The following ARRB1 variants were observed in gnomAD, a reference collection of about 807,000 sequenced individuals.
ARRB1 encodes arrestin beta 1, also known as beta-arrestin-1.
Under a neutral mutation model 56.8 loss-of-function variants are expected in ARRB1, and 21 were observed. The ratio of observed to expected loss-of-function variants is 0.37; its 90% CI spans 0.26 to 0.53. The LOEUF (loss-of-function observed/expected upper bound fraction) is 0.53, where lower values mean the gene tolerates loss of function less well. Ranked by LOEUF, ARRB1 falls within the 20% of genes least tolerant of loss-of-function variation. ARRB1 has a pLI of 0.88. For synonymous variants in ARRB1, 210 were observed against 218.6 expected (o/e 0.96, Z 0.35); for missense variants, 424 against 553.7 (o/e 0.77, Z 2.35).
chr11:75,285,359 C>T (rs920127855), intron 3 of ARRB1, among the ~76,000 whole-genome samples: 15 of 152,234 alleles, frequency 9.9e-5, no homozygotes. Context: ...CATCTCTGCT[C>T]AGCACCCCAG....
In ARRB1 at chr11:75,265,706, GCC is replaced by G; in HGVS notation, c.*455_*456del. The G allele has an allele frequency of 1.1e-5, 2 of 177,420 alleles. No homozygotes were observed. Among genetic ancestry groups the G allele is most frequent in the Admixed American group, 1.1e-4 (2 of 17,516 alleles). The allele number at this position is 177,420 out of a possible 1,614,324, so 11.0% of individuals were successfully genotyped here. A position where few individuals can be genotyped will look rare whatever the true frequency, so the allele number is the denominator to read the frequency against. On this transcript the variant is annotated 3_prime_UTR_variant, in exon 16 of 16. Transcript: ENST00000420843. ...TGCCCCTCCCAGCCAGAAGGAGGTG[GCC>G]TTCAACGCGGTCATCTTTTAGCTGC...
chr11:75,322,140 G>T (rs1297371518), intron 1 of ARRB1, among the ~76,000 whole-genome samples: 1 of 152,246 alleles, frequency 6.6e-6, no homozygotes, highest in Admixed American at 6.5e-5. Flanking sequence ...CCAAGAAAGT[G>T]ACATCCGGGC....
chr11:75,316,004 T>C lies in ARRB1; in HGVS notation c.21-25965A>G, dbSNP rs181696691. On this transcript the variant is annotated intron_variant, in intron 1 of 15. Transcript: ENST00000420843. Reference sequence around the variant, plus strand: ...GACACCTGGAGAGGTGGCACTCAGCTGTTTCTGGAGCCTCTGCTTCTGGGC... The same window carrying C: ...GACACCTGGAGAGGTGGCACTCAGCCGTTTCTGGAGCCTCTGCTTCTGGGC... 2.2e-4 allele frequency among the ~76,000 whole-genome samples: 34 copies of C among 152,260 alleles called. No individual in the cohort carries two copies. In the East Asian group the frequency reaches 6.6e-3, roughly 29 times the overall value.
chr11:75,290,489 G>A (rs1302731569), intron 1 of ARRB1, among the ~76,000 whole-genome samples: 1 of 152,144 alleles, frequency 6.6e-6, no homozygotes, highest in East Asian at 1.9e-4. Flanking sequence ...TCTTCTGGGA[G>A]GCTCTCCCCG....
chr11:75,328,401 T>G (rs943805725), intron 1 of ARRB1, among the ~76,000 whole-genome samples: 2 of 152,252 alleles, frequency 1.3e-5, no homozygotes, highest in South Asian at 4.1e-4. Flanking sequence ...GAATAGTCAG[T>G]TGCTGCCTGT....
At chr11:75,337,441 G>A (rs1223267068) in intron 1 of ARRB1, among the ~76,000 whole-genome samples, 1 of 152,226 alleles carries the variant, frequency 6.6e-6, no homozygotes, top group Admixed American at 6.5e-5. Flanking sequence ...GAAGTAAGAA[G>A]AGGGAAAGGG....
At chr11:75,338,262 G>C (rs1325977393) in intron 1 of ARRB1, among the ~76,000 whole-genome samples, 1 of 152,150 alleles carries the variant, frequency 6.6e-6, no homozygotes, top group Non-Finnish European at 1.5e-5. Flanking sequence ...AGAATAACAG[G>C]ATGGCTTGGA....
intron 6 of ARRB1, chr11:75,281,481 C>T: frequency 7.7e-6 from 3 of 388,346 alleles, no homozygotes; most frequent in Non-Finnish European, 1.4e-5. Flanking sequence ...ACTGTGTGCA[C>T]ACCCGGCCCT....
chr11:75,306,984 C>T (rs1947048857), intron 1 of ARRB1, among the ~76,000 whole-genome samples: 1 of 152,178 alleles, frequency 6.6e-6, no homozygotes, highest in Admixed American at 6.5e-5. Context: ...CTGGGGGAGC[C>T]CTTACCCCTT....
At chr11:75,332,607 C>T (rs1947538439) in intron 1 of ARRB1, among the ~76,000 whole-genome samples, 2 of 152,130 alleles carry the variant, frequency 1.3e-5, no homozygotes, top group Non-Finnish European at 2.9e-5. Flanking sequence ...TTAAGTTTAC[C>T]TATAGCTGGC....
At chr11:75,310,538 T>C (rs1228261350) in intron 1 of ARRB1, among the ~76,000 whole-genome samples, 3 of 152,186 alleles carry the variant, frequency 2.0e-5, no homozygotes. Flanking sequence ...CACCAGGCAG[T>C]GGGACACAGG....
chr11:75,287,444 GAAAC>G, intron 2 of ARRB1, 69 bp from the exon 3 acceptor site: 1 of 1,492,844 alleles, frequency 6.7e-7, no homozygotes, highest in Non-Finnish European at 9.1e-7. Flanking sequence ...TGTCTTGGAG[GAAAC>G]CCTGCGGGCA....
intron 8 of ARRB1, 77 bp from the exon 9 acceptor site, chr11:75,277,525 C>G: frequency 1.5e-6 from 2 of 1,339,538 alleles, no homozygotes; most frequent in Non-Finnish European, 2.1e-6. Context: ...GAAAAGCCCC[C>G]ACGCGATCTT....
intron 11 of ARRB1, among the ~76,000 whole-genome samples, 189 bp from the exon 12 acceptor site, chr11:75,273,167 C>T (rs369209499): frequency 6.6e-6 from 1 of 152,292 alleles, no homozygotes; most frequent in South Asian, 2.1e-4. Flanking sequence ...GACCCAGAGC[C>T]CCGGTTCCAA....
chr11:75,280,724 C>A (rs903562326), intron 7 of ARRB1, among the ~76,000 whole-genome samples: 2 of 152,222 alleles, frequency 1.3e-5, no homozygotes, highest in African/African-American at 4.8e-5. Flanking sequence ...TGAGAATGGT[C>A]AGGAAACAGC....
intron 1 of ARRB1, among the ~76,000 whole-genome samples, chr11:75,323,717 G>A (rs142619012): frequency 2.0e-5 from 3 of 152,184 alleles, no homozygotes; most frequent in African/African-American, 7.2e-5. Context: ...GAAGCGGAAA[G>A]GTGTGCAGGG....
intron 1 of ARRB1, among the ~76,000 whole-genome samples, chr11:75,328,119 T>C (rs1440021217): frequency 6.6e-6 from 1 of 152,182 alleles, no homozygotes; most frequent in Non-Finnish European, 1.5e-5. Flanking sequence ...CTCCAACCCC[T>C]GGCAACTACC....
At chr11:75,325,520 AC>A (rs1452131830) in intron 1 of ARRB1, among the ~76,000 whole-genome samples, 3 of 152,128 alleles carry the variant, frequency 2.0e-5, no homozygotes, top group Non-Finnish European at 2.9e-5. Context: ...CAGGAGTTTC[AC>A]CATGTTGGCC....
intron 1 of ARRB1, among the ~76,000 whole-genome samples, chr11:75,294,387 T>G (rs1342433197): frequency 6.6e-6 from 1 of 151,800 alleles, no homozygotes; most frequent in Admixed American, 6.6e-5. Context: ...TGAAACCCAG[T>G]CTCTACTAAA....
Sources: gnomAD v4.1 joint callset for allele counts (sites outside exome capture counted in the v4.1 genomes callset) on GRCh38, gnomAD v4.1.1 for gene constraint, MANE v1.5 for transcripts, NCBI Gene and HGNC (gene_info 2026-07-23, HGNC 2026-07-21) for gene names.